The following CADM2 variants were observed in gnomAD, a reference collection of about 807,000 sequenced individuals.
CADM2 encodes the protein immunoglobulin superfamily member 4D.
Under a neutral mutation model 49.8 loss-of-function variants are expected in CADM2, and 12 were observed. That is an observed-to-expected ratio of 0.24 (90% confidence interval 0.15 to 0.39). The LOEUF is 0.39. CADM2 is among the 10% of genes least tolerant of loss of function. The probability of loss-of-function intolerance (pLI) is 1.00; values close to 1 mark genes in which losing one functional copy is unlikely to be tolerated. For missense variants in CADM2, 378 were observed against 492.3 expected, an observed-to-expected ratio of 0.77 and a Z score of 2.20; for synonymous variants, 214 against 175.4, an observed-to-expected ratio of 1.22 and a Z score of -1.74.
intron 1 of CADM2, among the ~76,000 whole-genome samples, chr3:85,503,026 G>C (rs1398714507): frequency 6.6e-6 from 1 of 151,992 alleles, no homozygotes; most frequent in Non-Finnish European, 1.5e-5. Flanking sequence ...CTTTAAAAAA[G>C]ATCCTCAGAT....
chr3:84,985,769 A>G (rs1200247330), intron 1 of CADM2, among the ~76,000 whole-genome samples: 2 of 152,224 alleles, frequency 1.3e-5, no homozygotes, highest in Non-Finnish European at 2.9e-5. Context: ...TGCTGACCTG[A>G]TAATTGCTAG....
At chr3:85,806,842 A>G (rs35806405) in intron 3 of CADM2, among the ~76,000 whole-genome samples, 22,047 of 152,170 alleles carry the variant, frequency 0.14, 2,025 homozygotes, top group Non-Finnish European at 0.2. Flanking sequence ...GCTAAGGTGA[A>G]TCTAATACTG....
intron 1 of CADM2, among the ~76,000 whole-genome samples, chr3:85,204,502 G>T (rs1051718013): frequency 6.6e-6 from 1 of 152,084 alleles, no homozygotes; most frequent in African/African-American, 2.4e-5. Flanking sequence ...AACACAGAGA[G>T]ATTAGTTGCT....
At chr3:85,558,638 T>C (rs1013600117) in intron 1 of CADM2, among the ~76,000 whole-genome samples, 1 of 152,106 alleles carries the variant, frequency 6.6e-6, no homozygotes, top group Non-Finnish European at 1.5e-5. Context: ...CTTAGGACTA[T>C]TTGTTAACAA....
chr3:85,962,115 C>T (rs561098047), intron 8 of CADM2, among the ~76,000 whole-genome samples: 10 of 151,728 alleles, frequency 6.6e-5, no homozygotes, highest in East Asian at 3.9e-4. Flanking sequence ...GATGGGCTTT[C>T]GCCATGTTCA....
intron 1 of CADM2, among the ~76,000 whole-genome samples, chr3:85,052,878 A>G (rs529855507): frequency 4.0e-4 from 61 of 152,174 alleles, no homozygotes; most frequent in African/African-American, 1.4e-3. Flanking sequence ...TTAGTGCTGC[A>G]TTATATGTGG....
chr3:85,504,358 G>A (rs1343526361), intron 1 of CADM2, among the ~76,000 whole-genome samples: 11 of 152,186 alleles, frequency 7.2e-5, no homozygotes, highest in Admixed American at 6.5e-4. Flanking sequence ...TGGACCCAAA[G>A]AGTGAGCAGT....
chr3:85,021,681 A>G (rs1021264909), intron 1 of CADM2, among the ~76,000 whole-genome samples: 3 of 152,106 alleles, frequency 2.0e-5, no homozygotes, highest in African/African-American at 7.2e-5. Context: ...AGGCTGAGGC[A>G]GGAGAATCGC....
At chr3:85,382,082 A>G (rs1394663586) in intron 1 of CADM2, among the ~76,000 whole-genome samples, 1 of 152,168 alleles carries the variant, frequency 6.6e-6, no homozygotes, top group Non-Finnish European at 1.5e-5. Context: ...TGACTATCAA[A>G]TAATTATTGT....
intron 8 of CADM2, chr3:86,014,308 C>A (rs941399509): frequency 1.5e-6 from 2 of 1,361,942 alleles, no homozygotes; most frequent in Non-Finnish European, 9.9e-7. Context: ...AATGTCCTAT[C>A]TTTTACAAGA....
At chr3:85,205,632 T>G (rs1031207570) in intron 1 of CADM2, among the ~76,000 whole-genome samples, 1 of 152,060 alleles carries the variant, frequency 6.6e-6, no homozygotes, top group African/African-American at 2.4e-5. Flanking sequence ...ATGCATGTAA[T>G]AGTAATAAAA....
intron 3 of CADM2, among the ~76,000 whole-genome samples, chr3:85,852,778 C>T (rs2075159105): frequency 2.6e-5 from 4 of 151,928 alleles, no homozygotes; most frequent in Admixed American, 2.0e-4. Context: ...TTGAACAGAA[C>T]CTATACACTT....
At chr3:85,083,933 T>A (rs1302371153) in intron 1 of CADM2, among the ~76,000 whole-genome samples, 1 of 152,194 alleles carries the variant, frequency 6.6e-6, no homozygotes, top group Non-Finnish European at 1.5e-5. Flanking sequence ...AAGCCTATAA[T>A]GATCGATTGC....
intron 1 of CADM2, among the ~76,000 whole-genome samples, chr3:85,304,728 T>C (rs2044174905): frequency 6.6e-6 from 1 of 151,848 alleles, no homozygotes; most frequent in South Asian, 2.1e-4. Flanking sequence ...AATTTCATGG[T>C]GACCCCCAAC....
intron 1 of CADM2, among the ~76,000 whole-genome samples, chr3:85,636,814 G>C (rs1328684133): frequency 6.6e-6 from 1 of 152,110 alleles, no homozygotes; most frequent in African/African-American, 2.4e-5. Context: ...ACAATAACAT[G>C]CTGTATAAGT....
intron 1 of CADM2, among the ~76,000 whole-genome samples, chr3:85,320,882 A>T (rs1328252453): frequency 6.6e-6 from 1 of 151,382 alleles, no homozygotes; most frequent in Non-Finnish European, 1.5e-5. Context: ...AAGGAAGTAC[A>T]CTGAAAATGA....
chr3:85,797,487 T>A (rs2071697880), intron 2 of CADM2, among the ~76,000 whole-genome samples: 4 of 152,142 alleles, frequency 2.6e-5, no homozygotes, highest in Non-Finnish European at 4.4e-5. Context: ...CAACTCCCAC[T>A]TATGAGTGAG....
chr3:85,273,207 C>T (rs1035682861), intron 1 of CADM2, among the ~76,000 whole-genome samples: 3 of 151,206 alleles, frequency 2.0e-5, no homozygotes, highest in African/African-American at 7.3e-5. Flanking sequence ...TGTGAGTGAA[C>T]AAGAGATAGA....
At chr3:85,068,974 T>C (rs1035682914) in intron 1 of CADM2, among the ~76,000 whole-genome samples, 3 of 152,096 alleles carry the variant, frequency 2.0e-5, no homozygotes, top group Admixed American at 6.6e-5. Flanking sequence ...TCATGAACCA[T>C]TTAGTCCCCA....
Sources: allele counts gnomAD v4.1 joint callset (sites outside exome capture counted in the v4.1 genomes callset), GRCh38; gene constraint gnomAD v4.1.1; transcripts MANE v1.5; gene names NCBI Gene and HGNC (gene_info 2026-07-23, HGNC 2026-07-21).